PRR16: variants seen among roughly 807,000 people sequenced by gnomAD.
The protein encoded by PRR16 is protein Largen.
In PRR16, 6 loss-of-function variants were observed where a neutral mutation model predicts 18.2. The observed-to-expected ratio is 0.33, with a 90% CI of 0.18 to 0.65. PRR16 has a LOEUF of 0.65. Among genes scored for constraint, PRR16 ranks in the 30% least tolerant of loss-of-function variants. PRR16 has a pLI of 0.74. For synonymous variants in PRR16, 151 were observed against 147.8 expected (o/e 1.02, Z -0.16); for missense variants, 412 against 376.6 (o/e 1.09, Z -0.78).
At chr5:120,551,394 T>C (rs1447163915) in intron 1 of PRR16, among the ~76,000 whole-genome samples, 2 of 152,034 alleles carry the variant, frequency 1.3e-5, no homozygotes, top group Non-Finnish European at 2.9e-5. Flanking sequence ...ATGCCGGCTC[T>C]TTCGCTAACT....
At chr5:120,562,471 C>T (rs907106697) in intron 1 of PRR16, among the ~76,000 whole-genome samples, 1 of 152,062 alleles carries the variant, frequency 6.6e-6, no homozygotes, top group Non-Finnish European at 1.5e-5. Flanking sequence ...AGTCCATTTA[C>T]ATTCAATGTT....
At chr5:120,614,887 C>T (rs1754455175) in intron 1 of PRR16, among the ~76,000 whole-genome samples, 1 of 152,128 alleles carries the variant, frequency 6.6e-6, no homozygotes, top group Admixed American at 6.6e-5. Flanking sequence ...CCAGCTATAG[C>T]AGCTTGCTCT....
At chr5:120,741,610 G>C in the PRR16 span, among the ~76,000 whole-genome samples, 4 of 151,886 alleles carry the variant, frequency 2.6e-5, no homozygotes, top group African/African-American at 7.3e-5. Context: ...GTTTTGTTTT[G>C]TTTTGTTTTT....
chr5:120,682,287 G>T (rs1431357833), intron 1 of PRR16, among the ~76,000 whole-genome samples: 1 of 151,994 alleles, frequency 6.6e-6, no homozygotes, highest in Non-Finnish European at 1.5e-5. Context: ...TTTCTGATGG[G>T]GTCTTCCTCT....
intron 1 of PRR16, among the ~76,000 whole-genome samples, chr5:120,516,538 G>T (rs1187839046): frequency 6.7e-6 from 1 of 148,452 alleles, no homozygotes; most frequent in East Asian, 2.0e-4. Context: ...CAATTAGAAG[G>T]CATTTATACT....
intron 1 of PRR16, among the ~76,000 whole-genome samples, chr5:120,597,150 T>G (rs1029997473): frequency 1.3e-5 from 2 of 151,726 alleles, no homozygotes; most frequent in African/African-American, 4.8e-5. Flanking sequence ...ATCATCTCTC[T>G]TTTTACATTG....
intron 1 of PRR16, among the ~76,000 whole-genome samples, chr5:120,580,824 A>G (rs536489965): frequency 2.7e-4 from 41 of 152,324 alleles, no homozygotes; most frequent in Non-Finnish European, 4.8e-4. Flanking sequence ...GATCAATTAC[A>G]TTTATTGATT....
At chr5:120,723,289 CAATT>C in the PRR16 span, among the ~76,000 whole-genome samples, 3 of 151,890 alleles carry the variant, frequency 2.0e-5, no homozygotes, top group Non-Finnish European at 2.9e-5. Context: ...ATTTGGTACT[CAATT>C]TATATGTTTT....
At chr5:120,643,341 C>A (rs184819477) in intron 1 of PRR16, among the ~76,000 whole-genome samples, 103 of 152,148 alleles carry the variant, frequency 6.8e-4, no homozygotes, top group Non-Finnish European at 1.3e-3. Flanking sequence ...TTCAAAGTTT[C>A]TCATCTCTAC....
the PRR16 span, among the ~76,000 whole-genome samples, chr5:120,763,328 A>G: frequency 6.6e-6 from 1 of 151,764 alleles, no homozygotes; most frequent in Non-Finnish European, 1.5e-5. Flanking sequence ...TTGTATTTTT[A>G]GTAGAGATGA....
At chr5:120,772,549 A>G in the PRR16 span, among the ~76,000 whole-genome samples, 141 of 151,714 alleles carry the variant, frequency 9.3e-4, 1 homozygote, top group Admixed American at 5.5e-3. Flanking sequence ...TACTTTAAAA[A>G]ATTCTGCCAC....
intron 1 of PRR16, among the ~76,000 whole-genome samples, chr5:120,576,530 A>T (rs1034556538): frequency 2.6e-5 from 4 of 152,174 alleles, no homozygotes; most frequent in Non-Finnish European, 5.9e-5. Context: ...GTTGGTGAGG[A>T]TGTGGAGTAA....
intron 1 of PRR16, among the ~76,000 whole-genome samples, chr5:120,550,037 ATTAACTGAATGACAAGAGGAGAT>A: frequency 6.6e-6 from 1 of 152,180 alleles, no homozygotes; most frequent in Non-Finnish European, 1.5e-5. Context: ...ATGTATCAAA[ATTAACTGAATGACAAGAGGAGAT>A]TAGTATATGC....
the PRR16 span, among the ~76,000 whole-genome samples, chr5:120,723,970 C>T: frequency 1.3e-5 from 2 of 149,856 alleles, no homozygotes; most frequent in African/African-American, 4.9e-5. Context: ...ACAATTATGG[C>T]ATTAAAAAAA....
intron 1 of PRR16, among the ~76,000 whole-genome samples, chr5:120,526,884 C>G (rs920065261): frequency 6.6e-6 from 1 of 152,108 alleles, no homozygotes; most frequent in Non-Finnish European, 1.5e-5. Context: ...CCATCACTCC[C>G]AGCCCCTCCA....
intron 1 of PRR16, among the ~76,000 whole-genome samples, chr5:120,621,385 C>G (rs1345084884): frequency 6.6e-6 from 1 of 152,060 alleles, no homozygotes; most frequent in Non-Finnish European, 1.5e-5. Flanking sequence ...CCCCTGTGAT[C>G]TGTTTACCTT....
chr5:120,666,072 G>C (rs1418531804), intron 1 of PRR16, among the ~76,000 whole-genome samples: 6 of 152,188 alleles, frequency 3.9e-5, no homozygotes, highest in Non-Finnish European at 5.9e-5. Context: ...TCACGATATT[G>C]ATTCTTCCTA....
At chr5:120,559,500 GT>G (rs1273733632) in intron 1 of PRR16, among the ~76,000 whole-genome samples, 4 of 151,696 alleles carry the variant, frequency 2.6e-5, no homozygotes, top group Admixed American at 1.3e-4. Flanking sequence ...TCTCTATTCT[GT>G]TTCTTTGCTA....
chr5:120,644,422 T>TG (rs1313553438), intron 1 of PRR16, among the ~76,000 whole-genome samples: 1 of 21,738 alleles, frequency 4.6e-5, no homozygotes, highest in African/African-American at 1.7e-4. Context: ...AAATGATGTT[T>TG]AATTTTGTTC....
Sources: gnomAD v4.1 joint callset for allele counts (sites outside exome capture counted in the v4.1 genomes callset) on GRCh38, gnomAD v4.1.1 for gene constraint, MANE v1.5 for transcripts, NCBI Gene and HGNC (gene_info 2026-07-23, HGNC 2026-07-21) for gene names.